ANK1: variants seen among roughly 807,000 people sequenced by gnomAD.
The protein encoded by ANK1 is ankyrin 1, also known as ankyrin-1.
ANK1 carries 51 observed loss-of-function variants against 210.4 expected under a neutral mutation model. The ratio of observed to expected loss-of-function variants is 0.24; its 90% CI spans 0.19 to 0.31. ANK1 has a LOEUF of 0.31. Ranked by LOEUF, ANK1 falls within the 10% of genes least tolerant of loss-of-function variation. The probability of loss-of-function intolerance (pLI) is 1.00; values close to 1 mark genes in which losing one functional copy is unlikely to be tolerated. For missense variants in ANK1, 2,051 were observed against 2,504.4 expected (o/e 0.82, Z 3.86); for synonymous variants, 967 against 1,025.9 (o/e 0.94, Z 1.10).
At chr8:41,868,824 A>G (rs1814956526) in intron 1 of ANK1, among the ~76,000 whole-genome samples, 1 of 152,350 alleles carries the variant, frequency 6.6e-6, no homozygotes, top group East Asian at 1.9e-4. Context: ...AACAAATTTT[A>G]TAACAGACAC....
At chr8:41,753,827 G>A (rs190539853) in intron 2 of ANK1, among the ~76,000 whole-genome samples, 2 of 151,974 alleles carry the variant, frequency 1.3e-5, no homozygotes, top group African/African-American at 4.8e-5. Context: ...CTGGCTTCTC[G>A]TGCTGTCTGC....
In ANK1 at chr8:41,714,142, G is replaced by C. The variant is rs1826951822; in HGVS notation, c.1800+14C>G. 1 of 1,332,330 alleles carries C rather than the reference G, an allele frequency of 7.5e-7. No homozygotes were observed. Among genetic ancestry groups the C allele is most frequent in the South Asian group, 2.7e-5 (1 of 36,738 alleles). The allele number at this position is 1,332,330 out of a possible 1,614,324, so 82.5% of individuals were successfully genotyped here. A position where few individuals can be genotyped will look rare whatever the true frequency, so the allele number is the denominator to read the frequency against. ...TGCTCTCCAGGGGCAGCTGGGGAGAGGGGCGGGCCTTACCCAGGCAGGGCT... is the reference window on the plus strand; with the variant it reads ...TGCTCTCCAGGGGCAGCTGGGGAGACGGGCGGGCCTTACCCAGGCAGGGCT... On this transcript the variant is annotated intron_variant, in intron 16 of 42. Coordinates refer to ENST00000289734, the MANE Select transcript of ANK1 (RefSeq NM_000037.4).
intron 16 of ANK1, among the ~76,000 whole-genome samples, chr8:41,713,043 G>A (rs1030942906): frequency 6.6e-6 from 1 of 152,228 alleles, no homozygotes; most frequent in African/African-American, 2.4e-5. Context: ...ACACGTGTCT[G>A]TCCAGGGAGG....
chr8:41,809,045 G>T (rs1484866568), intron 1 of ANK1, among the ~76,000 whole-genome samples: 1 of 152,186 alleles, frequency 6.6e-6, no homozygotes, highest in East Asian at 1.9e-4. Flanking sequence ...TCTTGTTCTT[G>T]CCTTTGGATG....
chr8:41,752,806 C>CG (rs377745544), intron 2 of ANK1, among the ~76,000 whole-genome samples: 1 of 151,658 alleles, frequency 6.6e-6, no homozygotes, highest in Non-Finnish European at 1.5e-5. Context: ...AGGCCCCCCC[C>CG]CACTGCACCG....
Position 41,722,301 on chromosome 8 carries a change from A to C in ANK1, c.909+824T>G, listed in dbSNP as rs1396096866. ...GTGTGGGGACTATGAATCATGACCC[A>C]AATTAACGACAGCTCTACAGAACAG... On this transcript the variant is annotated intron_variant, in intron 9 of 42. Transcript: ENST00000289734. 2.6e-5 allele frequency among the ~76,000 whole-genome samples: 4 copies of C among 152,374 alleles called. No homozygotes were observed. The East Asian group carries it at 7.7e-4, about 29-fold the overall frequency.
intron 1 of ANK1, among the ~76,000 whole-genome samples, chr8:41,850,130 T>C (rs1810956301): frequency 6.6e-6 from 1 of 152,136 alleles, no homozygotes; most frequent in Admixed American, 6.5e-5. Context: ...CTTTATAAGA[T>C]AAGTAGAGTT....
At chr8:41,850,255 G>A (rs890018697) in intron 1 of ANK1, among the ~76,000 whole-genome samples, 3 of 152,134 alleles carry the variant, frequency 2.0e-5, no homozygotes, top group Non-Finnish European at 4.4e-5. Context: ...CCGCCTGAAT[G>A]CCTAATAACT....
intron 1 of ANK1, among the ~76,000 whole-genome samples, chr8:41,843,029 A>G (rs1563890143): frequency 6.6e-6 from 1 of 152,000 alleles, no homozygotes; most frequent in Non-Finnish European, 1.5e-5. Flanking sequence ...TGTATTTTTA[A>G]TAGAGACAGA....
At chr8:41,852,194 C>T (rs1160403207) in intron 1 of ANK1, among the ~76,000 whole-genome samples, 1 of 152,084 alleles carries the variant, frequency 6.6e-6, no homozygotes, top group Non-Finnish European at 1.5e-5. Context: ...GAGGAGGTCA[C>T]GGCGATGCCT....
chr8:41,716,433 C>A (rs1375268602), intron 13 of ANK1, among the ~76,000 whole-genome samples: 1 of 152,076 alleles, frequency 6.6e-6, no homozygotes, highest in African/African-American at 2.4e-5. Flanking sequence ...AGGCTTCCCT[C>A]GAGGGCCCCA....
intron 16 of ANK1, among the ~76,000 whole-genome samples, chr8:41,712,635 G>A (rs1826476471): frequency 6.6e-6 from 1 of 152,216 alleles, no homozygotes; most frequent in Admixed American, 6.5e-5. Context: ...CACACGGAGG[G>A]AGCTCTGCCC....
intron 1 of ANK1, among the ~76,000 whole-genome samples, chr8:41,864,316 C>T (rs1305712530): frequency 6.6e-6 from 1 of 151,834 alleles, no homozygotes; most frequent in Admixed American, 6.6e-5. Flanking sequence ...ATTATTTCTC[C>T]CATTGGGTTA....
intron 1 of ANK1, among the ~76,000 whole-genome samples, chr8:41,827,704 A>G (rs1478970360): frequency 7.2e-6 from 1 of 138,188 alleles, no homozygotes; most frequent in African/African-American, 2.7e-5. Flanking sequence ...ACACACACTC[A>G]CACGCACACC....
chr8:41,709,919 C>T (rs919814256), intron 16 of ANK1, among the ~76,000 whole-genome samples: 1 of 152,094 alleles, frequency 6.6e-6, no homozygotes, highest in South Asian at 2.1e-4. Context: ...AGAGTAAGAC[C>T]CTGTCTCTAC....
At position 41,655,721 on chromosome 8, in the gene ANK1, T is replaced by G; in HGVS notation, c.*69A>C. ...CCTCCTGTGTGCATGGCAGAGTGTGTGGGGTTCAGGGGTTGGGTGTCGAGG... is the reference window on the plus strand; with the variant it reads ...CCTCCTGTGTGCATGGCAGAGTGTGGGGGGTTCAGGGGTTGGGTGTCGAGG... On this transcript the variant is annotated 3_prime_UTR_variant, in exon 43 of 43. Coordinates refer to ENST00000289734, the MANE Select transcript of ANK1 (RefSeq NM_000037.4). 1 of 1,613,918 alleles carries G rather than the reference T, an allele frequency of 6.2e-7. No individual in the cohort carries two copies. The highest frequency in any genetic ancestry group is 1.1e-5 in the South Asian group (1 of 91,072).
At chr8:41,810,582 C>T (rs938888805) in intron 1 of ANK1, among the ~76,000 whole-genome samples, 6 of 152,218 alleles carry the variant, frequency 3.9e-5, no homozygotes, top group Non-Finnish European at 7.3e-5. Context: ...GCAGGTCCAT[C>T]GGGCCACACA....
intron 1 of ANK1, among the ~76,000 whole-genome samples, chr8:41,884,747 G>A (rs759555936): frequency 2.0e-5 from 3 of 151,858 alleles, no homozygotes; most frequent in Non-Finnish European, 4.4e-5. Context: ...TGGGAGGATC[G>A]TTTGAGCCCA....
intron 7 of ANK1, among the ~76,000 whole-genome samples, chr8:41,723,937 G>A (rs995449618): frequency 6.6e-5 from 10 of 151,294 alleles, no homozygotes; most frequent in Non-Finnish European, 1.2e-4. Context: ...CTACAGGCAC[G>A]CGCCACCATG....
Sources: allele counts gnomAD v4.1 joint callset (sites outside exome capture counted in the v4.1 genomes callset), GRCh38; gene constraint gnomAD v4.1.1; transcripts MANE v1.5; gene names NCBI Gene and HGNC (gene_info 2026-07-23, HGNC 2026-07-21).